PDE7B: variants seen among roughly 807,000 people sequenced by gnomAD.
PDE7B encodes the protein phosphodiesterase 7B.
A neutral mutation model predicts 56.2 loss-of-function variants in PDE7B; 29 were observed. The ratio of observed to expected loss-of-function variants is 0.52; its 90% CI spans 0.38 to 0.70. The LOEUF (loss-of-function observed/expected upper bound fraction) is 0.70, where lower values mean the gene tolerates loss of function less well. PDE7B is among the 30% of genes least tolerant of loss of function. The pLI, the probability that PDE7B is intolerant of heterozygous loss-of-function variation, is 0.00. For synonymous variants in PDE7B, 197 were observed against 196.9 expected, an observed-to-expected ratio of 1.00 and a Z score of 0.00; for missense variants, 490 against 565.0, an observed-to-expected ratio of 0.87 and a Z score of 1.35.
chr6:136,049,588 T>G (rs551499296), intron 2 of PDE7B: 2 of 152,406 alleles, frequency 1.3e-5, no homozygotes, highest in East Asian at 3.9e-4. Flanking sequence ...CTTTGTTGGT[T>G]GACCCAGGAA....
At chr6:136,087,618 T>A (rs1777314425) in intron 2 of PDE7B, among the ~76,000 whole-genome samples, 1 of 152,186 alleles carries the variant, frequency 6.6e-6, no homozygotes, top group Non-Finnish European at 1.5e-5. Context: ...AGATAAGCAA[T>A]TAGAAAGCAG....
intron 1 of PDE7B, among the ~76,000 whole-genome samples, chr6:135,869,519 G>A (rs1481654619): frequency 6.6e-6 from 1 of 152,134 alleles, no homozygotes; most frequent in Non-Finnish European, 1.5e-5. Context: ...GCCCTAGTAT[G>A]GTCTAGGGAC....
intron 2 of PDE7B, among the ~76,000 whole-genome samples, chr6:136,048,442 C>G (rs972218403): frequency 5.3e-5 from 8 of 152,052 alleles, no homozygotes; most frequent in Non-Finnish European, 1.0e-4. Flanking sequence ...AATCCTCGAA[C>G]CCAGGAGGTA....
intron 1 of PDE7B, among the ~76,000 whole-genome samples, chr6:135,893,526 AG>A (rs1775846277): frequency 6.6e-6 from 1 of 151,964 alleles, no homozygotes; most frequent in Admixed American, 6.6e-5. Context: ...GGTGCTGGAG[AG>A]GATGTGGAGA....
At chr6:135,873,615 G>A (rs1264700021) in intron 1 of PDE7B, among the ~76,000 whole-genome samples, 2 of 151,780 alleles carry the variant, frequency 1.3e-5, no homozygotes, top group Non-Finnish European at 2.9e-5. Context: ...GATTTTGGAG[G>A]GCATTGTTTT....
Position 136,038,217 on chromosome 6 carries a change from GCAGCAGCAGCAA to G in PDE7B, c.83-70502_83-70491del, listed in dbSNP as rs1422265553. On this transcript the variant is annotated intron_variant, in intron 2 of 12. Transcript: ENST00000308191. ...AGCAGCAGCAGCAGAAGCAGAAACA[GCAGCAGCAGCAA>G]CAGCAGCAGCAGCAGCAGCACCACC... 3.9e-6 allele frequency: 5 copies of G among 1,296,284 alleles called. No individual in the cohort carries two copies. In the African/African-American group the frequency reaches 4.6e-5, roughly 12 times the overall value. The allele number at this position is 1,296,284 out of a possible 1,614,324, so 80.3% of individuals were successfully genotyped here. A position where few individuals can be genotyped will look rare whatever the true frequency, so the allele number is the denominator to read the frequency against.
chr6:136,134,374 A>G (rs1778172256), intron 3 of PDE7B, among the ~76,000 whole-genome samples: 1 of 152,168 alleles, frequency 6.6e-6, no homozygotes, highest in South Asian at 2.1e-4. Flanking sequence ...CTGGAGACTT[A>G]GAATCAACTC....
chr6:135,894,295 A>T (rs1373236448), intron 1 of PDE7B, among the ~76,000 whole-genome samples: 1 of 152,224 alleles, frequency 6.6e-6, no homozygotes, highest in East Asian at 1.9e-4. Flanking sequence ...TTTAATTGAC[A>T]CTGTTTTGTA....
intron 2 of PDE7B, among the ~76,000 whole-genome samples, chr6:135,962,733 C>T (rs965420276): frequency 6.6e-6 from 1 of 152,282 alleles, no homozygotes; most frequent in Non-Finnish European, 1.5e-5. Flanking sequence ...GTAACCACTA[C>T]ACCAGTTGCT....
At chr6:136,086,152 C>A (rs368662623) in intron 2 of PDE7B, among the ~76,000 whole-genome samples, 6 of 152,144 alleles carry the variant, frequency 3.9e-5, no homozygotes, top group Admixed American at 3.3e-4. Context: ...TTCCATTATT[C>A]TGTTTTCTGT....
chr6:135,903,341 AG>A (rs1321761437), intron 1 of PDE7B, among the ~76,000 whole-genome samples: 1 of 152,190 alleles, frequency 6.6e-6, no homozygotes, highest in Non-Finnish European at 1.5e-5. Context: ...ACAGCTGGTA[AG>A]GCTTGGTAAA....
intron 2 of PDE7B, among the ~76,000 whole-genome samples, chr6:136,086,602 G>A (rs1357916022): frequency 3.3e-5 from 5 of 152,080 alleles, no homozygotes; most frequent in African/African-American, 7.2e-5. Context: ...GTATATGTGG[G>A]AATCCAGTTT....
At chr6:135,977,489 G>C (rs767314477) in intron 2 of PDE7B, among the ~76,000 whole-genome samples, 8 of 152,132 alleles carry the variant, frequency 5.3e-5, no homozygotes, top group Non-Finnish European at 8.8e-5. Context: ...TGCCTCCAAG[G>C]CATGCTGACC....
At chr6:136,068,635 G>A (rs2128213636) in intron 2 of PDE7B, among the ~76,000 whole-genome samples, 1 of 152,088 alleles carries the variant, frequency 6.6e-6, no homozygotes, top group East Asian at 1.9e-4. Context: ...GTTTCACTGT[G>A]TTAGCCAGAA....
intron 2 of PDE7B, among the ~76,000 whole-genome samples, chr6:135,947,853 G>A (rs1774619131): frequency 6.6e-6 from 1 of 152,122 alleles, no homozygotes; most frequent in South Asian, 2.1e-4. Flanking sequence ...CTAAACCAAA[G>A]ATGGATGATA....
intron 2 of PDE7B, among the ~76,000 whole-genome samples, chr6:136,097,358 GCAAAC>G (rs1356152556): frequency 1.3e-5 from 2 of 152,052 alleles, no homozygotes; most frequent in African/African-American, 4.8e-5. Context: ...ATCCAGTTAT[GCAAAC>G]CAGAAATCTA....
intron 8 of PDE7B, among the ~76,000 whole-genome samples, chr6:136,163,376 G>A (rs1254826511): frequency 2.0e-5 from 3 of 152,208 alleles, no homozygotes; most frequent in East Asian, 1.9e-4. Flanking sequence ...TTTTAGCCAC[G>A]GCTGGAGCTG....
Position 136,033,589 on chromosome 6 carries a change from C to T in PDE7B, c.83-75142C>T, listed in dbSNP as rs568859012. Among the ~76,000 whole-genome samples the T allele has an allele frequency of 7.2e-5, 11 of 152,242 alleles. No individual in the cohort carries two copies. In the East Asian group the frequency reaches 1.2e-3, roughly 16 times the overall value. Reference sequence around the variant, plus strand: ...GGTTTAGACACTCCTCCTACTTCGCCCCACCTGTCTTTCCTCATCTCTCCC... The same window carrying T: ...GGTTTAGACACTCCTCCTACTTCGCTCCACCTGTCTTTCCTCATCTCTCCC... On this transcript the variant is annotated intron_variant, in intron 2 of 12. Transcript: ENST00000308191.
intron 1 of PDE7B, among the ~76,000 whole-genome samples, chr6:135,918,093 T>C (rs77472941): frequency 0.013 from 1,910 of 152,306 alleles, 55 homozygotes; most frequent in African/African-American, 0.044. Context: ...GTCTTTCTTC[T>C]CTATGCAGTT....
Sources: gnomAD v4.1 joint callset for allele counts (sites outside exome capture counted in the v4.1 genomes callset) on GRCh38, gnomAD v4.1.1 for gene constraint, MANE v1.5 for transcripts, NCBI Gene and HGNC (gene_info 2026-07-23, HGNC 2026-07-21) for gene names.